The following DGKG variants were observed in gnomAD, a reference collection of about 807,000 sequenced individuals.
The protein encoded by DGKG is DAG kinase gamma.
In DGKG, 78 loss-of-function variants were observed where a neutral mutation model predicts 105.3. The ratio of observed to expected loss-of-function variants is 0.74; its 90% CI spans 0.62 to 0.89. DGKG has a LOEUF of 0.89. DGKG is among the 40% of genes least tolerant of loss of function. The pLI is 0.00. For missense variants in DGKG, 958 were observed against 1,020.1 expected, an observed-to-expected ratio of 0.94 and a Z score of 0.83; for synonymous variants, 346 against 367.1, an observed-to-expected ratio of 0.94 and a Z score of 0.66.
intron 20 of DGKG, among the ~76,000 whole-genome samples, chr3:186,218,461 G>T (rs546954495): frequency 8.1e-6 from 1 of 123,946 alleles, no homozygotes; most frequent in South Asian, 2.8e-4. Context: ...CCGAGATCGC[G>T]CCACTGCACT....
intron 3 of DGKG, among the ~76,000 whole-genome samples, chr3:186,304,099 C>A (rs1479525363): frequency 2.0e-5 from 3 of 152,202 alleles, no homozygotes; most frequent in Admixed American, 6.5e-5. Context: ...CTCATAGCAG[C>A]CAAGCGACTC....
At chr3:186,173,551 C>T (rs893081280) in intron 22 of DGKG, among the ~76,000 whole-genome samples, 3 of 152,262 alleles carry the variant, frequency 2.0e-5, no homozygotes, top group African/African-American at 7.2e-5. Context: ...GGCATGTCCT[C>T]GGGCTCCTCT....
intron 20 of DGKG, among the ~76,000 whole-genome samples, chr3:186,214,665 C>T (rs1719192045): frequency 6.6e-6 from 1 of 152,172 alleles, no homozygotes; most frequent in Admixed American, 6.5e-5. Flanking sequence ...TGACTGGTCA[C>T]ACAATTGGCC....
chr3:186,339,175 C>G (rs1309859776), intron 1 of DGKG, among the ~76,000 whole-genome samples: 1 of 152,150 alleles, frequency 6.6e-6, no homozygotes. Context: ...GTGCATTTAT[C>G]AAGCTTTTAG....
chr3:186,289,299 C>A (rs564367889), intron 5 of DGKG, among the ~76,000 whole-genome samples: 3 of 152,182 alleles, frequency 2.0e-5, no homozygotes, highest in African/African-American at 7.2e-5. Context: ...TTGCAATTTT[C>A]TTTTCAAACA....
At position 186,357,574 on chromosome 3, in the gene DGKG, G is replaced by A. The variant is rs937177305; in HGVS notation, c.-249+4372C>T. Among the ~76,000 whole-genome samples the A allele has an allele frequency of 3.9e-5, 6 of 152,220 alleles. No individual in the cohort carries two copies. The South Asian group carries it at 6.2e-4, about 16-fold the overall frequency. On this transcript the variant is annotated intron_variant, in intron 1 of 24. Transcript: ENST00000265022. Reference sequence around the variant, plus strand: ...GTGAGATGGGGTTAATACCAGGAGTGTAGTGATGTGAATATCAGGTGAAGC... The same window carrying A: ...GTGAGATGGGGTTAATACCAGGAGTATAGTGATGTGAATATCAGGTGAAGC...
At chr3:186,298,838 C>T (rs1250906504) in intron 3 of DGKG, among the ~76,000 whole-genome samples, 1 of 152,216 alleles carries the variant, frequency 6.6e-6, no homozygotes, top group Non-Finnish European at 1.5e-5. Flanking sequence ...TAGTCCTGAT[C>T]TTCCCTGGAA....
intron 1 of DGKG, among the ~76,000 whole-genome samples, chr3:186,326,227 A>T (rs1202731026): frequency 6.6e-6 from 1 of 152,144 alleles, no homozygotes; most frequent in Non-Finnish European, 1.5e-5. Flanking sequence ...CTCTGTCTCT[A>T]TTAAAAATAC....
chr3:186,269,588 A>G (rs1366041541), intron 11 of DGKG, among the ~76,000 whole-genome samples: 2 of 152,226 alleles, frequency 1.3e-5, no homozygotes, highest in Non-Finnish European at 2.9e-5. Context: ...CCTAATGCCC[A>G]GCCGACACTC....
At chr3:186,330,777 AT>A (rs1319054843) in intron 1 of DGKG, among the ~76,000 whole-genome samples, 1 of 152,194 alleles carries the variant, frequency 6.6e-6, no homozygotes, top group Non-Finnish European at 1.5e-5. Flanking sequence ...GCCATTTGGG[AT>A]TTCACAGCCT....
intron 2 of DGKG, among the ~76,000 whole-genome samples, chr3:186,317,695 G>A (rs1277518058): frequency 6.6e-6 from 1 of 152,154 alleles, no homozygotes; most frequent in Non-Finnish European, 1.5e-5. Flanking sequence ...TGCATCAGGA[G>A]GCCTCCCACC....
At chr3:186,310,016 C>T (rs554096017) in intron 2 of DGKG, among the ~76,000 whole-genome samples, 34 of 151,212 alleles carry the variant, frequency 2.2e-4, no homozygotes, top group African/African-American at 6.5e-4. Context: ...CGCCTGTAAT[C>T]CCAGCACTTT....
chr3:186,297,105 C>CACACACACACACA (rs1723619379), intron 5 of DGKG, among the ~76,000 whole-genome samples: 2 of 131,048 alleles, frequency 1.5e-5, no homozygotes, highest in Admixed American at 7.9e-5. Context: ...CACACACACA[C>CACACACACACACA]TTCCCCTGAG....
intron 16 of DGKG, among the ~76,000 whole-genome samples, chr3:186,259,793 CA>C (rs1256524438): frequency 6.6e-6 from 1 of 152,170 alleles, no homozygotes; most frequent in Non-Finnish European, 1.5e-5. Context: ...GGGGCCGCAT[CA>C]CAGAGACCTG....
At chr3:186,298,742 C>T (rs142882271) in intron 3 of DGKG, among the ~76,000 whole-genome samples, 20 of 152,250 alleles carry the variant, frequency 1.3e-4, no homozygotes, top group Non-Finnish European at 2.4e-4. Context: ...TGTACCATGA[C>T]GGATGTGATG....
At chr3:186,287,625 A>T (rs1486165973) in intron 6 of DGKG, among the ~76,000 whole-genome samples, 2 of 152,252 alleles carry the variant, frequency 1.3e-5, no homozygotes, top group East Asian at 3.8e-4. Flanking sequence ...ATCCAGCTAA[A>T]TGCTGGAAAT....
At chr3:186,187,326 G>GT (rs1717690500) in intron 22 of DGKG, among the ~76,000 whole-genome samples, 2 of 152,224 alleles carry the variant, frequency 1.3e-5, no homozygotes, top group African/African-American at 4.8e-5. Flanking sequence ...AATCCTGGAT[G>GT]TTTTTTAAAA....
At chr3:186,300,506 G>A (rs1203596280) in intron 3 of DGKG, among the ~76,000 whole-genome samples, 1 of 152,118 alleles carries the variant, frequency 6.6e-6, no homozygotes, top group Non-Finnish European at 1.5e-5. Flanking sequence ...CCATGGAATT[G>A]TTCTGTTTTG....
intron 2 of DGKG, among the ~76,000 whole-genome samples, chr3:186,317,779 G>A (rs528985688): frequency 5.9e-5 from 9 of 152,276 alleles, no homozygotes; most frequent in Admixed American, 1.3e-4. Flanking sequence ...CCGTGCTTGA[G>A]TCCTGTTTGT....
Sources: gnomAD v4.1 joint callset for allele counts (sites outside exome capture counted in the v4.1 genomes callset) on GRCh38, gnomAD v4.1.1 for gene constraint, MANE v1.5 for transcripts, NCBI Gene and HGNC (gene_info 2026-07-23, HGNC 2026-07-21) for gene names.